Variants in BACH2 observed in about 807,000 individuals in gnomAD.
BACH2 encodes transcription regulator protein BACH2.
BACH2 carries 5 observed loss-of-function variants against 61.8 expected under a neutral mutation model. The observed-to-expected ratio is 0.08, with a 90% CI of 0.04 to 0.17. The LOEUF is 0.17. BACH2 is among the 10% of genes least tolerant of loss of function. The pLI, the probability that BACH2 is intolerant of heterozygous loss-of-function variation, is 1.00. For missense variants in BACH2, 824 were observed against 1,091.1 expected, an observed-to-expected ratio of 0.76 and a Z score of 3.45; for synonymous variants, 446 against 440.1, an observed-to-expected ratio of 1.01 and a Z score of -0.17.
chr6:90,084,727 C>T (rs184927589), intron 5 of BACH2, among the ~76,000 whole-genome samples: 2 of 152,104 alleles, frequency 1.3e-5, no homozygotes, highest in East Asian at 3.9e-4. Context: ...ATTCATTTTA[C>T]CTCTTTTCAG....
At chr6:90,028,198 G>A (rs1044213539) in intron 5 of BACH2, among the ~76,000 whole-genome samples, 4 of 152,270 alleles carry the variant, frequency 2.6e-5, no homozygotes, top group Admixed American at 1.3e-4. Flanking sequence ...TACTCTGCTC[G>A]CATCAGGAAT....
chr6:90,209,054 G>C (rs540917964), intron 3 of BACH2, among the ~76,000 whole-genome samples: 2 of 151,502 alleles, frequency 1.3e-5, no homozygotes, highest in South Asian at 2.1e-4. Flanking sequence ...GGCCTGTCGG[G>C]GGGTGGGGGG....
At chr6:89,993,028 G>T (rs578048980) in intron 6 of BACH2, among the ~76,000 whole-genome samples, 2 of 152,168 alleles carry the variant, frequency 1.3e-5, no homozygotes, top group African/African-American at 4.8e-5. Flanking sequence ...GTCCACACAC[G>T]CACAGAGGAA....
At chr6:90,255,973 A>G (rs1337181439) in intron 2 of BACH2, among the ~76,000 whole-genome samples, 3 of 152,210 alleles carry the variant, frequency 2.0e-5, no homozygotes, top group African/African-American at 4.8e-5. Flanking sequence ...AACACTGAAA[A>G]GACATTTTCC....
At chr6:90,246,956 T>G (rs577729415) in intron 3 of BACH2, among the ~76,000 whole-genome samples, 3 of 152,136 alleles carry the variant, frequency 2.0e-5, no homozygotes, top group Non-Finnish European at 4.4e-5. Context: ...AAAATATGCA[T>G]GAAAAACATA....
intron 3 of BACH2, among the ~76,000 whole-genome samples, chr6:90,216,350 G>A (rs1239576249): frequency 6.6e-6 from 1 of 152,214 alleles, no homozygotes; most frequent in Non-Finnish European, 1.5e-5. Flanking sequence ...TGTGGCTGCT[G>A]CCTTGCCCTC....
chr6:89,977,408 C>A (rs1201266614), intron 6 of BACH2, among the ~76,000 whole-genome samples: 1 of 152,218 alleles, frequency 6.6e-6, no homozygotes, highest in Non-Finnish European at 1.5e-5. Context: ...CATTTCAAAT[C>A]ATTAATGATG....
At chr6:90,210,312 A>AACACACACACACAC in intron 3 of BACH2, among the ~76,000 whole-genome samples, 1 of 147,250 alleles carries the variant, frequency 6.8e-6, no homozygotes, top group East Asian at 2.0e-4. Flanking sequence ...ACCCCAAAAC[A>AACACACACACACAC]ACACACACAC....
intron 4 of BACH2, among the ~76,000 whole-genome samples, chr6:90,185,724 A>G (rs769696991): frequency 6.6e-6 from 1 of 152,238 alleles, no homozygotes; most frequent in Non-Finnish European, 1.5e-5. Context: ...AATAGAACCA[A>G]CCACGTTTAT....
chr6:90,124,187 C>T (rs746482454), intron 4 of BACH2, among the ~76,000 whole-genome samples: 18 of 152,182 alleles, frequency 1.2e-4, no homozygotes, highest in Non-Finnish European at 1.2e-4. Context: ...GTTTGAGAAG[C>T]AGATCTGCAG....
In BACH2 at chr6:90,142,317, T is replaced by C. The variant is rs80120564; in HGVS notation, c.-161-53208A>G. 5.9e-5 allele frequency among the ~76,000 whole-genome samples: 9 copies of C among 152,276 alleles called. No homozygotes were observed. The East Asian group carries it at 1.4e-3, about 23-fold the overall frequency. ...GTGATCTCTGCCATTGCATCACTTA[T>C]TGTGTTGTTCTTAAAAGTGCTCTAT... On this transcript the variant is annotated intron_variant, in intron 4 of 8. Transcript: ENST00000257749.
chr6:90,165,770 T>C (rs1418202367), intron 4 of BACH2, among the ~76,000 whole-genome samples: 1 of 152,166 alleles, frequency 6.6e-6, no homozygotes, highest in Non-Finnish European at 1.5e-5. Flanking sequence ...TACAACCATC[T>C]GATCTTTGAC....
intron 4 of BACH2, among the ~76,000 whole-genome samples, chr6:90,179,662 A>G (rs191945783): frequency 9.3e-4 from 141 of 152,304 alleles, no homozygotes; most frequent in African/African-American, 3.4e-3. Flanking sequence ...TCTACCTCAA[A>G]GGTTATTGTG....
At chr6:90,262,931 C>A (rs1195208721) in intron 2 of BACH2, among the ~76,000 whole-genome samples, 1 of 152,118 alleles carries the variant, frequency 6.6e-6, no homozygotes, top group African/African-American at 2.4e-5. Flanking sequence ...CTTTGATACA[C>A]AAGAAACTAC....
Position 90,206,562 on chromosome 6 carries a change from C to T in BACH2, c.-162+7G>A, listed in dbSNP as rs1394518183. On this transcript the variant is annotated splice_region_variant and intron_variant, in intron 4 of 8. Transcript: ENST00000257749. ...TACAAGTGCTGATTCCTCAAAGTAC[C>T]TCTTACCTTGTTCATGCTGCAGGGA... The T allele has an allele frequency of 6.6e-6, 1 of 152,352 alleles. No individual in the cohort carries two copies. The highest frequency in any genetic ancestry group is 1.5e-5 in the Non-Finnish European group (1 of 68,054). The allele number at this position is 152,352 out of a possible 1,614,324, so 9.4% of individuals were successfully genotyped here. A position where few individuals can be genotyped will look rare whatever the true frequency, so the allele number is the denominator to read the frequency against.
At chr6:90,291,287 T>A (rs1241575356) in intron 1 of BACH2, among the ~76,000 whole-genome samples, 2 of 151,954 alleles carry the variant, frequency 1.3e-5, no homozygotes, top group Non-Finnish European at 2.9e-5. Context: ...GGAAAAAAAA[T>A]AGCTCAAGGA....
chr6:90,282,709 T>C (rs983254297), intron 1 of BACH2, among the ~76,000 whole-genome samples: 3 of 152,150 alleles, frequency 2.0e-5, no homozygotes, highest in Non-Finnish European at 4.4e-5. Context: ...CTTTAGGACT[T>C]TGAGCAATCA....
chr6:90,046,444 G>A (rs1037349840), intron 5 of BACH2, among the ~76,000 whole-genome samples: 2 of 152,134 alleles, frequency 1.3e-5, no homozygotes, highest in Admixed American at 6.5e-5. Flanking sequence ...AATTATCTAA[G>A]GGAAGGCACA....
At chr6:90,086,147 T>G (rs1781923769) in intron 5 of BACH2, among the ~76,000 whole-genome samples, 1 of 152,238 alleles carries the variant, frequency 6.6e-6, no homozygotes, top group African/African-American at 2.4e-5. Context: ...GTCGTTAGCA[T>G]GTGTCAGAAT....
Sources: allele counts gnomAD v4.1 joint callset (sites outside exome capture counted in the v4.1 genomes callset), GRCh38; gene constraint gnomAD v4.1.1; transcripts MANE v1.5; gene names NCBI Gene and HGNC (gene_info 2026-07-23, HGNC 2026-07-21).